The following GPCPD1 variants were observed in gnomAD, a reference collection of about 807,000 sequenced individuals.
GPCPD1 encodes glycerophosphocholine phosphodiesterase GPCPD1.
GPCPD1 carries 29 observed loss-of-function variants against 89.2 expected under a neutral mutation model. That is an observed-to-expected ratio of 0.33 (90% CI 0.24 to 0.44). The LOEUF is 0.44. GPCPD1 is among the 20% of genes least tolerant of loss of function. The pLI is 1.00. For synonymous variants in GPCPD1, 258 were observed against 266.3 expected, an observed-to-expected ratio of 0.97 and a Z score of 0.30; for missense variants, 594 against 808.9, an observed-to-expected ratio of 0.73 and a Z score of 3.22.
intron 19 of GPCPD1, among the ~76,000 whole-genome samples, chr20:5,551,209 G>A (rs549513492): frequency 2.6e-4 from 39 of 152,290 alleles, no homozygotes; most frequent in Non-Finnish European, 4.6e-4. Context: ...CAGATGTGCT[G>A]AGCTAGAGAC....
chr20:5,548,879 G>A (rs1985198510), intron 19 of GPCPD1: 1 of 1,015,952 alleles, frequency 9.8e-7, no homozygotes, highest in South Asian at 1.8e-5. Context: ...TAATCCCCCT[G>A]TGAAGAGGAG....
chr20:5,576,288 C>T (rs1033572852), intron 8 of GPCPD1, among the ~76,000 whole-genome samples: 11 of 151,796 alleles, frequency 7.2e-5, no homozygotes, highest in Non-Finnish European at 1.0e-4. Context: ...GGGATGGTGG[C>T]GCATGCCAGT....
At position 5,559,154 on chromosome 20, in the gene GPCPD1, T is replaced by C. The variant is rs189703640; in HGVS notation, c.1533-335A>G. The stretch of plus-strand genomic sequence containing the variant: ...AGGCAGAGGTTGCAGTGAGCCGAGA[T>C]CACACCACTGCACTCCAGCCTGGGC... On this transcript the variant is annotated intron_variant, in intron 17 of 19. Transcript: ENST00000379019. 2.1e-3 allele frequency among the ~76,000 whole-genome samples: 317 copies of C among 151,036 alleles called. 2 individuals carry two copies. Among genetic ancestry groups the C allele is most frequent in the Non-Finnish European group, 3.8e-3 (259 of 67,698 alleles).
At chr20:5,591,307 G>A (rs1052769679) in intron 4 of GPCPD1, among the ~76,000 whole-genome samples, 16 of 152,152 alleles carry the variant, frequency 1.1e-4, no homozygotes, top group African/African-American at 3.6e-4. Context: ...GCCAGAAAAA[G>A]CAGTGCATGG....
chr20:5,603,724 C>A (rs1980342242), intron 2 of GPCPD1, among the ~76,000 whole-genome samples: 1 of 151,768 alleles, frequency 6.6e-6, no homozygotes, highest in Non-Finnish European at 1.5e-5. Context: ...GTTATCCCAG[C>A]CAATTGTTTC....
intron 3 of GPCPD1, among the ~76,000 whole-genome samples, chr20:5,595,530 A>C (rs1223437305): frequency 6.6e-6 from 1 of 152,050 alleles, no homozygotes; most frequent in Non-Finnish European, 1.5e-5. Flanking sequence ...AATCCCAGCT[A>C]CTCAGGAGGC....
intron 2 of GPCPD1, among the ~76,000 whole-genome samples, chr20:5,602,764 C>T (rs768810360): frequency 3.3e-5 from 5 of 152,076 alleles, no homozygotes; most frequent in Non-Finnish European, 7.4e-5. Context: ...AGGCAGATGA[C>T]CTTAGGTCAG....
chr20:5,572,863 ACT>A (rs534660275), intron 11 of GPCPD1, among the ~76,000 whole-genome samples: 76 of 152,044 alleles, frequency 5.0e-4, no homozygotes, highest in African/African-American at 1.7e-3. Flanking sequence ...GGAAACTGAT[ACT>A]TTTTTATTTA....
At chr20:5,595,486 TAAA>T (rs1175139053) in intron 3 of GPCPD1, among the ~76,000 whole-genome samples, 1 of 151,408 alleles carries the variant, frequency 6.6e-6, no homozygotes, top group African/African-American at 2.4e-5. Context: ...ACAAAAAATA[TAAA>T]AATTAGCCAG....
At chr20:5,607,212 GGGA>G (rs1175222656) in intron 1 of GPCPD1, among the ~76,000 whole-genome samples, 4 of 152,086 alleles carry the variant, frequency 2.6e-5, no homozygotes, top group Non-Finnish European at 4.4e-5. Context: ...ACTTGAACCT[GGGA>G]GGCAGAAGTT....
Position 5,600,289 on chromosome 20 carries a change from C to T in GPCPD1, c.50-1468G>A, listed in dbSNP as rs562889584. Among the ~76,000 whole-genome samples the T allele has an allele frequency of 5.1e-4, 78 of 152,374 alleles. 2 individuals carry two copies. The South Asian group carries it at 8.5e-3, about 17-fold the overall frequency. ...AATACATGTGGGCCGGGCGCAGTGG[C>T]CCATGCCTGTAATCCCAGCACTTTG... On this transcript the variant is annotated intron_variant, in intron 2 of 19. Transcript: ENST00000379019.
chr20:5,582,439 A>AT (rs1447234588), intron 6 of GPCPD1, among the ~76,000 whole-genome samples: 1 of 152,164 alleles, frequency 6.6e-6, no homozygotes, highest in African/African-American at 2.4e-5. Flanking sequence ...TATATACCTA[A>AT]TAAAAACCAC....
intron 19 of GPCPD1, among the ~76,000 whole-genome samples, chr20:5,548,074 T>G (rs976611360): frequency 6.6e-6 from 1 of 152,244 alleles, no homozygotes; most frequent in Non-Finnish European, 1.5e-5. Context: ...TGCCCTTTTG[T>G]ACCCCCGATG....
intron 7 of GPCPD1, among the ~76,000 whole-genome samples, chr20:5,579,788 A>T (rs1978334637): frequency 6.6e-6 from 1 of 152,248 alleles, no homozygotes; most frequent in Admixed American, 6.5e-5. Flanking sequence ...ACTTATCTAT[A>T]TAAACAAATG....
intron 1 of GPCPD1, among the ~76,000 whole-genome samples, chr20:5,604,922 T>A (rs2072756779): frequency 6.6e-6 from 1 of 151,630 alleles, no homozygotes; most frequent in South Asian, 2.1e-4. Flanking sequence ...CACTGTACTC[T>A]AGCCTGAGCC....
At chr20:5,579,762 A>T (rs1418471266) in intron 7 of GPCPD1, among the ~76,000 whole-genome samples, 1 of 152,260 alleles carries the variant, frequency 6.6e-6, no homozygotes, top group Non-Finnish European at 1.5e-5. Flanking sequence ...ATAAAAATAC[A>T]TAAGCTTAGA....
chr20:5,600,756 C>T (rs997979355), intron 2 of GPCPD1, among the ~76,000 whole-genome samples: 3 of 151,968 alleles, frequency 2.0e-5, no homozygotes, highest in Non-Finnish European at 4.4e-5. Context: ...CAATTGAACC[C>T]AGGAGGCTGA....
Position 5,575,511 on chromosome 20 carries a change from G to A in GPCPD1, c.903C>T (p.Tyr301=), listed in dbSNP as rs1204828219. ...DYIIIKPLPG[Y]SCDMKSSFSK... ...AAAATGAAGATTTCATGTCACAACT[G>A]TATCCTGGTAATGGCTTAATAATTA... The change falls in exon 10 of 20, where the codon TAC becomes TAT. Residue 301 remains tyrosine, a synonymous_variant. Coordinates refer to ENST00000379019, the MANE Select transcript of GPCPD1 (RefSeq NM_019593.5). 1.3e-6 allele frequency: 2 copies of A among 1,584,044 alleles called. No individual in the cohort carries two copies. The highest frequency in any genetic ancestry group is 1.7e-6 in the Non-Finnish European group (2 of 1,153,104).
chr20:5,609,832 C>T (rs1198611977), intron 1 of GPCPD1, among the ~76,000 whole-genome samples: 1 of 137,010 alleles, frequency 7.3e-6, no homozygotes, highest in Non-Finnish European at 1.5e-5. Context: ...TTTGTATCCA[C>T]GACATTAGGA....
Sources: gnomAD v4.1 joint callset for allele counts (sites outside exome capture counted in the v4.1 genomes callset) on GRCh38, gnomAD v4.1.1 for gene constraint, MANE v1.5 for transcripts, NCBI Gene and HGNC (gene_info 2026-07-23, HGNC 2026-07-21) for gene names.